The following CNGB1 variants were observed in gnomAD, a reference collection of about 807,000 sequenced individuals.
The protein encoded by CNGB1 is cyclic nucleotide gated channel subunit beta 1.
Under a neutral mutation model 151.7 loss-of-function variants are expected in CNGB1, and 126 were observed. The ratio of observed to expected loss-of-function variants is 0.83; its 90% confidence interval spans 0.72 to 0.96. CNGB1 has a LOEUF of 0.96. Ranked by LOEUF, CNGB1 falls within the 40% of genes least tolerant of loss-of-function variation. The probability of loss-of-function intolerance (pLI) is 0.00; values close to 1 mark genes in which losing one functional copy is unlikely to be tolerated. For synonymous variants in CNGB1, 623 were observed against 635.1 expected, an observed-to-expected ratio of 0.98 and a Z score of 0.29; for missense variants, 1,698 against 1,627.0, an observed-to-expected ratio of 1.04 and a Z score of -0.75.
intron 12 of CNGB1, among the ~76,000 whole-genome samples, chr16:57,954,104 C>T (rs1962027686): frequency 6.6e-6 from 1 of 152,196 alleles, no homozygotes; most frequent in South Asian, 2.1e-4. Context: ...TTGCCTACAG[C>T]TTAGTTTCCT....
intron 20 of CNGB1, among the ~76,000 whole-genome samples, chr16:57,918,618 G>T (rs557852077): frequency 6.6e-6 from 1 of 152,282 alleles, no homozygotes; most frequent in South Asian, 2.1e-4. Flanking sequence ...CTAACTAGTT[G>T]CATCTTTACC....
chr16:57,962,592 T>C lies in CNGB1; in HGVS notation c.431A>G (p.Asn144Ser), dbSNP rs1251416283. The change falls in exon 7 of 33, where the codon AAT becomes AGT. Residue 144 changes from asparagine (N) to serine (S), a missense_variant. Coordinates refer to ENST00000251102, the MANE Select transcript of CNGB1 (RefSeq NM_001297.5). ...TGDTGCTDEPNEALEAQDTRP... is the reference protein window; with the variant it reads ...TGDTGCTDEPSEALEAQDTRP... ...AGTGTCTTGGGCCTCAAGGGCCTCA[T>C]TGGGTTCATCTGTGCACCCTGCAGG... 1.2e-5 allele frequency: 19 copies of C among 1,613,902 alleles called. No homozygotes were observed. The highest frequency in any genetic ancestry group is 1.5e-5 in the Non-Finnish European group (18 of 1,179,878).
At chr16:57,958,173 C>T (rs1188890361) in intron 11 of CNGB1, among the ~76,000 whole-genome samples, 2 of 152,192 alleles carry the variant, frequency 1.3e-5, no homozygotes, top group African/African-American at 4.8e-5. Flanking sequence ...CACTTCTGTG[C>T]CCCATATCCT....
At position 57,931,815 on chromosome 16, in the gene CNGB1, A is replaced by C; in HGVS notation, c.1436T>G (p.Leu479Arg). 6.2e-7 allele frequency: 1 copy of C among 1,614,138 alleles called. No homozygotes were observed. Among genetic ancestry groups the C allele is most frequent in the Non-Finnish European group, 8.5e-7 (1 of 1,180,034 alleles). The change falls in exon 17 of 33, where the codon CTC becomes CGC. Residue 479 changes from leucine to arginine, a missense_variant. Transcript: ENST00000251102. Reference protein sequence around the residue: ...VEDTDADSCPLMAEENPPSTV... With the variant: ...VEDTDADSCPRMAEENPPSTV... Reference sequence around the variant, plus strand: ...TGAGGGTGGATTCTCTTCTGCCATGAGGGGGCAGCTATCAGCATCAGTATC... The same window carrying C: ...TGAGGGTGGATTCTCTTCTGCCATGCGGGGGCAGCTATCAGCATCAGTATC...
At chr16:57,947,039 C>T (rs1961827499) in intron 14 of CNGB1, among the ~76,000 whole-genome samples, 1 of 152,314 alleles carries the variant, frequency 6.6e-6, no homozygotes, top group Admixed American at 6.5e-5. Context: ...GCTGCCTGTG[C>T]TTGTGCATAT....
chr16:57,956,883 A>C (rs1266891634), intron 12 of CNGB1, among the ~76,000 whole-genome samples: 1 of 151,952 alleles, frequency 6.6e-6, no homozygotes, highest in African/African-American at 2.4e-5. Context: ...TGCCTCCCCA[A>C]CCCAGCTGCA....
chr16:57,915,208 G>A (rs747279681), intron 23 of CNGB1, 41 bp downstream of exon 23: 1 of 1,522,668 alleles, frequency 6.6e-7, no homozygotes, highest in Admixed American at 1.7e-5. Context: ...GCAGAGCAGG[G>A]ATGAGCTGAA....
At chr16:57,888,256 G>A (rs1433996706) in intron 31 of CNGB1, among the ~76,000 whole-genome samples, 182 bp from the exon 32 acceptor site, 1 of 152,038 alleles carries the variant, frequency 6.6e-6, no homozygotes, top group African/African-American at 2.4e-5. Context: ...CTCATTGAAG[G>A]ATCAGAACAA....
intron 26 of CNGB1, among the ~76,000 whole-genome samples, chr16:57,904,277 C>T (rs543870367): frequency 9.2e-5 from 14 of 152,282 alleles, no homozygotes; most frequent in African/African-American, 3.4e-4. Flanking sequence ...GATTCTGGTA[C>T]AATACAGTTC....
In CNGB1 at chr16:57,897,409, C is replaced by A; in HGVS notation, c.3230G>T (p.Arg1077Leu). ...VHYPESQKLL[R>L]KKARRMLRSN... The stretch of plus-strand genomic sequence containing the variant: ...AAAAGTTACATACCTGGCTTTCTTC[C>A]GGAGTAACTTCTGAGACTCAGGATA... The change falls in exon 31 of 33, where the codon CGG (arginine) becomes CTG (leucine). Residue 1077 changes from arginine to leucine, a missense_variant. Transcript: ENST00000251102. 5.0e-6 allele frequency: 8 copies of A among 1,614,082 alleles called. No homozygotes were observed. The highest frequency in any genetic ancestry group is 6.8e-6 in the Non-Finnish European group (8 of 1,180,004).
intron 22 of CNGB1, among the ~76,000 whole-genome samples, chr16:57,915,685 T>G (rs943864352): frequency 4.6e-5 from 7 of 152,046 alleles, no homozygotes; most frequent in African/African-American, 1.7e-4. Flanking sequence ...GATCACTTGA[T>G]GTCAGGAGTT....
At chr16:57,954,747 T>G in intron 12 of CNGB1, 1 of 969,554 alleles carries the variant, frequency 1.0e-6, no homozygotes, top group South Asian at 4.7e-5. Context: ...TCCCCAAGCC[T>G]TGGAAGGAGA....
At chr16:57,912,040 C>G in intron 24 of CNGB1, 165 bp from the exon 25 acceptor site, 1 of 854,676 alleles carries the variant, frequency 1.2e-6, no homozygotes, top group Non-Finnish European at 1.8e-6. Context: ...TTGTCATGAC[C>G]TGGGGCTAGG....
In CNGB1 at chr16:57,915,341, A is replaced by ATCCCCATGGTG; in HGVS notation, c.2218-7_2218-6insCACCATGGGGA. 1 of 1,611,450 alleles carries ATCCCCATGGTG rather than the reference A, an allele frequency of 6.2e-7. No homozygotes were observed. Among genetic ancestry groups the ATCCCCATGGTG allele is most frequent in the Non-Finnish European group, 8.5e-7 (1 of 1,177,598 alleles). On this transcript the variant is annotated splice_polypyrimidine_tract_variant and splice_region_variant and intron_variant, in intron 22 of 32. Transcript: ENST00000251102. ...AGGAGGCTGAGCAGGTCCATCTGAAATCCCAGTGGGACACCATGGGGGTAA... is the reference window on the plus strand; with the variant it reads ...AGGAGGCTGAGCAGGTCCATCTGAAATCCCCATGGTGTCCCAGTGGGACACCATGGGGGTAA...
At chr16:57,953,493 TA>T (rs61409577) in intron 12 of CNGB1, among the ~76,000 whole-genome samples, 6,810 of 122,754 alleles carry the variant, frequency 0.055, 533 homozygotes, top group African/African-American at 0.19. Flanking sequence ...GGCTCAATCT[TA>T]AAAAAAAAAA....
At chr16:57,906,831 C>T (rs1960564360) in intron 25 of CNGB1, among the ~76,000 whole-genome samples, 1 of 152,156 alleles carries the variant, frequency 6.6e-6, no homozygotes, top group East Asian at 1.9e-4. Context: ...ATCTTAGGGG[C>T]CTCCCTGAAG....
intron 24 of CNGB1, 84 bp downstream of exon 24, chr16:57,912,844 ATC>A (rs1377536615): frequency 1.4e-4 from 185 of 1,326,496 alleles, no homozygotes; most frequent in Non-Finnish European, 5.7e-5. Context: ...TGTGTGTGTC[ATC>A]TGTGTTGTGT....
chr16:57,970,745 A>C (rs1326293131), intron 1 of CNGB1, among the ~76,000 whole-genome samples: 1 of 152,182 alleles, frequency 6.6e-6, no homozygotes, highest in African/African-American at 2.4e-5. Flanking sequence ...AGGGAGGCTC[A>C]GGTGGGAAGG....
chr16:57,931,461 A>G (rs1961347582), intron 17 of CNGB1, among the ~76,000 whole-genome samples: 1 of 152,042 alleles, frequency 6.6e-6, no homozygotes. Context: ...CGCTATTACT[A>G]TATTATTTAT....
Sources: allele counts gnomAD v4.1 joint callset (sites outside exome capture counted in the v4.1 genomes callset), GRCh38; gene constraint gnomAD v4.1.1; transcripts MANE v1.5; gene names NCBI Gene and HGNC (gene_info 2026-07-23, HGNC 2026-07-21).